Variants in GNL3L observed in about 807,000 individuals in gnomAD.
GNL3L encodes G protein nucleolar 3 like.
In GNL3L, 4 loss-of-function variants were observed where a neutral mutation model predicts 42.9. The ratio of observed to expected loss-of-function variants is 0.09; its 90% CI spans 0.05 to 0.21. The LOEUF (loss-of-function observed/expected upper bound fraction) is 0.21, where lower values mean the gene tolerates loss of function less well. Among genes scored for constraint, GNL3L ranks in the 10% least tolerant of loss-of-function variants. The pLI, the probability that GNL3L is intolerant of heterozygous loss-of-function variation, is 1.00. For synonymous variants in GNL3L, 159 were observed against 176.3 expected, an observed-to-expected ratio of 0.90 and a Z score of 0.78; for missense variants, 412 against 481.7, an observed-to-expected ratio of 0.86 and a Z score of 1.36.
At chrX:54,552,043 G>A in intron 12 of GNL3L, 69 bp downstream of exon 12, 1 of 1,107,203 alleles carries the variant, frequency 9.0e-7, no homozygotes, top group Admixed American at 2.6e-5. Context: ...GCTCATCTGT[G>A]CTCATTGCCG....
downstream of GNL3L, among the ~76,000 whole-genome samples, chrX:54,626,204 A>C (rs1926360938): frequency 9.0e-6 from 1 of 111,378 alleles, no homozygotes; most frequent in Non-Finnish European, 1.9e-5. Flanking sequence ...CCCAGTCTCT[A>C]ATACTCACAA....
intron 16 of GNL3L, among the ~76,000 whole-genome samples, chrX:54,587,014 A>G (rs929094496): frequency 8.9e-6 from 1 of 111,854 alleles, no homozygotes; most frequent in South Asian, 3.7e-4. Flanking sequence ...CTTGGGTTTC[A>G]GAGGGTTTTC....
Position 54,544,300 on chromosome X carries a change from A to G in GNL3L, c.604A>G (p.Ser202Gly), listed in dbSNP as rs1924709497. Reference protein sequence around the residue: ...NELPTVAFKASTQHQVKNLNR... With the variant: ...NELPTVAFKAGTQHQVKNLNR... ...GTTGCCAACCGTGGCTTTCAAGGCC[A>G]GTACCCAGCATCAGGTCAAAAACCT... Residue 202 changes from serine to glycine, a missense_variant, in exon 8 of 16, where the codon AGT becomes GGT. By Grantham distance (56) the Ser-to-Gly change is moderately conservative. Transcript: ENST00000360845. 1.7e-6 allele frequency: 2 copies of G among 1,165,532 alleles called. No individual in the cohort carries two copies.
chrX:54,571,263 A>G (rs68084111), downstream of GNL3L, among the ~76,000 whole-genome samples: 14,636 of 102,399 alleles, frequency 0.14, 1,928 homozygotes, highest in African/African-American at 0.4. Context: ...GCACGATCTC[A>G]GCTCACTGCA....
At position 54,530,232 on chromosome X, in the gene GNL3L, C is replaced by A. The variant is rs1347565015; in HGVS notation, c.-235C>A. 3 of 99,534 alleles carry A rather than the reference C, an allele frequency of 3.0e-5. No homozygotes were observed. Among genetic ancestry groups the A allele is most frequent in the Non-Finnish European group, 6.0e-5 (3 of 49,792 alleles). 8.2% of individuals were successfully genotyped at this position (99,534 alleles called of 1,213,427 possible). A position where few individuals can be genotyped will look rare whatever the true frequency, so the allele number is the denominator to read the frequency against. ...CTGGGATCCGGAAGTCGGAGCCTAG[C>A]TGCGCGAGAGTTTCTGCTCGCTCAA... is the stretch of plus-strand genomic sequence containing the variant. On this transcript the variant is annotated 5_prime_UTR_variant, in exon 1 of 16. In the 5' UTR this introduces an upstream ATG that the reference lacks. Transcript: ENST00000360845.
rs1256041035 is a variant in GNL3L at position 54,564,404 on chromosome X, T to C, written c.*3802T>C. ...TCACTGGTTTTTTTCTTCGTTCTCT[T>C]TTTTTTTTTTTTTTTTTTGAGACAG... On this transcript the variant is annotated 3_prime_UTR_variant, in exon 16 of 16. Coordinates refer to ENST00000360845, the MANE Select transcript of GNL3L (RefSeq NM_001184819.2). Among the ~76,000 whole-genome samples the C allele has an allele frequency of 1.4e-4, 13 of 91,788 alleles. No individual in the cohort carries two copies. The highest frequency in any genetic ancestry group is 2.3e-4 in the Non-Finnish European group (11 of 47,119). The allele number at this position is 91,788 out of a possible 115,157, so 79.7% of individuals were successfully genotyped here.
rs755503905 is a variant in GNL3L, at chrX:54,538,124, G to A, written c.20-916G>A. On this transcript the variant is annotated intron_variant, in intron 2 of 15. Transcript: ENST00000360845. ...GAGAATCGCTTGAACCCGGGAGGCA[G>A]AAGTTGCAGTGAGCCCAGATCACAC... 2.7e-3 allele frequency among the ~76,000 whole-genome samples: 303 copies of A among 110,682 alleles called. 1 individual carries two copies. Among genetic ancestry groups the A allele is most frequent in the African/African-American group, 9.7e-3 (294 of 30,446 alleles).
chrX:54,607,553 C>A (rs1012004415), intron 16 of GNL3L, among the ~76,000 whole-genome samples: 1 of 110,370 alleles, frequency 9.1e-6, no homozygotes, highest in Admixed American at 9.7e-5. Flanking sequence ...AAATGTCCTC[C>A]AGATGGTAGG....
chrX:54,551,167 C>G (rs761721254), intron 10 of GNL3L, 117 bp downstream of exon 10: 6 of 518,219 alleles, frequency 1.2e-5, no homozygotes, highest in East Asian at 1.1e-4. Flanking sequence ...TGATGCTTTC[C>G]CCAGGCATGG....
At chrX:54,595,487 G>A (rs1925920464) in intron 16 of GNL3L, among the ~76,000 whole-genome samples, 1 of 111,476 alleles carries the variant, frequency 9.0e-6, no homozygotes, top group Admixed American at 9.5e-5. Flanking sequence ...TCCTTTGGGA[G>A]TTTGGTTATT....
Position 54,600,206 on chromosome X carries a change from CTTTTTTTTTTTTTTTT to C in GNL3L, c.*46-20617_*46-20602del, listed in dbSNP as rs1172527598. On this transcript the variant is annotated intron_variant, in intron 16 of 16. Coordinates refer to the GNL3L transcript ENST00000674498. ...CTCTAGATTTTATTCCAATCTGCTG[CTTTTTTTTTTTTTTTT>C]TTTTTTTTTTTTTTTTTTTTTAAGA... 3.2e-3 allele frequency among the ~76,000 whole-genome samples: 43 copies of C among 13,399 alleles called. No individual in the cohort carries two copies. In the East Asian group the frequency reaches 0.034, roughly 11 times the overall value. 11.6% of individuals were successfully genotyped at this position (13,399 alleles called of 115,157 possible).
At chrX:54,642,974 GAC>G in the GNL3L span, among the ~76,000 whole-genome samples, 28 of 111,910 alleles carry the variant, frequency 2.5e-4, 1 homozygote, top group African/African-American at 9.1e-4. Flanking sequence ...AATCTCCAGA[GAC>G]AGTAACTGTT....
the GNL3L span, among the ~76,000 whole-genome samples, chrX:54,633,573 T>C: frequency 1.8e-5 from 2 of 110,451 alleles, no homozygotes; most frequent in Admixed American, 9.7e-5. Context: ...CAGGGGGACT[T>C]GCTGCGGCCA....
At chrX:54,587,665 A>T (rs1476218056) in intron 16 of GNL3L, among the ~76,000 whole-genome samples, 1 of 110,222 alleles carries the variant, frequency 9.1e-6, no homozygotes. Context: ...GAACAATTGT[A>T]ATAGGGTGTT....
At chrX:54,594,100 A>G (rs919398514) in intron 16 of GNL3L, among the ~76,000 whole-genome samples, 1 of 111,845 alleles carries the variant, frequency 8.9e-6, no homozygotes, top group East Asian at 2.8e-4. Flanking sequence ...GAAATGTTCC[A>G]TAAATATTTT....
intron 16 of GNL3L, among the ~76,000 whole-genome samples, chrX:54,586,384 A>AAGC (rs200842799): frequency 0.083 from 9,114 of 110,235 alleles, 580 homozygotes; most frequent in East Asian, 0.46. Context: ...CCTGAGTCCT[A>AAGC]AGCAGCAGCA....
intron 13 of GNL3L, among the ~76,000 whole-genome samples, 193 bp downstream of exon 13, chrX:54,552,621 G>A (rs1444708015): frequency 8.9e-6 from 1 of 111,893 alleles, no homozygotes; most frequent in Non-Finnish European, 1.9e-5. Flanking sequence ...AGGGCGGGTT[G>A]GGGGAGGGTG....
chrX:54,551,550 T>G lies in GNL3L; in HGVS notation c.864-18T>G, dbSNP rs777880150. 6.7e-6 allele frequency: 8 copies of G among 1,202,441 alleles called. No homozygotes were observed. In the Admixed American group the frequency reaches 8.7e-5, roughly 13 times the overall value. On this transcript the variant is annotated intron_variant, in intron 10 of 15. Transcript: ENST00000360845. ...TACGATGCCAGGTACATCTGGGCTT[T>G]CTTCTTCCCCGCCCCAGATTCATGC...
At chrX:54,607,034 T>C (rs1337731961) in intron 16 of GNL3L, among the ~76,000 whole-genome samples, 1 of 69,729 alleles carries the variant, frequency 1.4e-5, no homozygotes, top group African/African-American at 9.6e-5. Flanking sequence ...CTTTCTTTCT[T>C]TCTTTCTTTC....
Sources: gnomAD v4.1 joint callset for allele counts (sites outside exome capture counted in the v4.1 genomes callset) on GRCh38, gnomAD v4.1.1 for gene constraint, MANE v1.5 for transcripts, NCBI Gene and HGNC (gene_info 2026-07-23, HGNC 2026-07-21) for gene names.